The following CCNY variants were observed in gnomAD, a reference collection of about 807,000 sequenced individuals.
CCNY encodes cyclin Y, also known as cyclin-Y.
In CCNY, 19 loss-of-function variants were observed where a neutral mutation model predicts 42.8. That is an observed-to-expected ratio of 0.44 (90% CI 0.31 to 0.65). CCNY has a LOEUF of 0.65. CCNY is among the 30% of genes least tolerant of loss of function. The pLI is 0.07. For synonymous variants in CCNY, 165 were observed against 162.7 expected (o/e 1.01, Z -0.11); for missense variants, 370 against 437.3 (o/e 0.85, Z 1.37).
intron 2 of CCNY, among the ~76,000 whole-genome samples, chr10:35,487,399 C>T (rs923865426): frequency 6.6e-6 from 1 of 152,130 alleles, no homozygotes; most frequent in Non-Finnish European, 1.5e-5. Flanking sequence ...GCTTGGACCA[C>T]AGACATGCAG....
chr10:35,479,499 C>G (rs1213020544), intron 1 of CCNY, among the ~76,000 whole-genome samples: 1 of 135,536 alleles, frequency 7.4e-6, no homozygotes, highest in African/African-American at 2.8e-5. Flanking sequence ...AGTAAACTAT[C>G]GCAAGAACAA....
intron 3 of CCNY, among the ~76,000 whole-genome samples, chr10:35,319,710 C>A (rs1401125078): frequency 2.0e-5 from 3 of 152,010 alleles, no homozygotes; most frequent in Non-Finnish European, 2.9e-5. Flanking sequence ...CCCGTCTCTA[C>A]TAAAAATACA....
intron 1 of CCNY, among the ~76,000 whole-genome samples, chr10:35,352,018 G>A (rs537993729): frequency 3.3e-4 from 50 of 152,306 alleles, no homozygotes; most frequent in Admixed American, 3.3e-3. Flanking sequence ...GATCTACCTA[G>A]TTTTCAAGTA....
At chr10:35,522,639 A>T (rs1400606640) in intron 4 of CCNY, among the ~76,000 whole-genome samples, 3 of 152,144 alleles carry the variant, frequency 2.0e-5, no homozygotes, top group Non-Finnish European at 4.4e-5. Context: ...GAGGGTGAGG[A>T]TTGTGCATCC....
At chr10:35,559,940 C>G (rs1029691096) in intron 8 of CCNY, among the ~76,000 whole-genome samples, 1 of 152,164 alleles carries the variant, frequency 6.6e-6, no homozygotes, top group African/African-American at 2.4e-5. Flanking sequence ...TGGAGCTTGC[C>G]CTGCTAGATT....
intron 8 of CCNY, among the ~76,000 whole-genome samples, 154 bp from the exon 9 acceptor site, chr10:35,565,869 C>T (rs1162432684): frequency 1.3e-5 from 2 of 152,210 alleles, no homozygotes; most frequent in African/African-American, 4.8e-5. Context: ...GGCTTTTAAT[C>T]CCAATATGGT....
intron 1 of CCNY, among the ~76,000 whole-genome samples, chr10:35,338,908 G>A (rs549080596): frequency 1.3e-5 from 2 of 152,306 alleles, no homozygotes; most frequent in Admixed American, 1.3e-4. Context: ...CAGGTATTTG[G>A]CACTAAGGCT....
intron 2 of CCNY, 28 bp downstream of exon 2, chr10:35,483,506 G>T: frequency 7.0e-7 from 1 of 1,433,598 alleles, no homozygotes; most frequent in East Asian, 2.3e-5. Flanking sequence ...GTTTCTTTTT[G>T]TAAAAAAGGC....
intron 1 of CCNY, among the ~76,000 whole-genome samples, chr10:35,343,382 CTTTTTTTT>C (rs9299720): frequency 4.0e-4 from 34 of 85,900 alleles, no homozygotes; most frequent in African/African-American, 1.7e-3. Context: ...AGCTGATGGT[CTTTTTTTT>C]TTTTTTTTTT....
intron 3 of CCNY, among the ~76,000 whole-genome samples, chr10:35,252,735 G>A (rs2095712848): frequency 6.6e-6 from 1 of 152,102 alleles, no homozygotes; most frequent in Non-Finnish European, 1.5e-5. Context: ...AAATAAAGCG[G>A]CTTGATATTG....
At chr10:35,253,345 G>A (rs1053336893) in intron 3 of CCNY, among the ~76,000 whole-genome samples, 1 of 151,722 alleles carries the variant, frequency 6.6e-6, no homozygotes, top group African/African-American at 2.4e-5. Flanking sequence ...CAGCTCCTGG[G>A]CTCAAGCGAG....
At chr10:35,402,095 A>G (rs1413963041) in intron 1 of CCNY, among the ~76,000 whole-genome samples, 1 of 152,098 alleles carries the variant, frequency 6.6e-6, no homozygotes, top group Non-Finnish European at 1.5e-5. Flanking sequence ...TGGGGGTGGT[A>G]TGGAGAGATA....
chr10:35,289,194 T>C (rs1835385471), intron 3 of CCNY, among the ~76,000 whole-genome samples: 1 of 152,140 alleles, frequency 6.6e-6, no homozygotes, highest in Non-Finnish European at 1.5e-5. Flanking sequence ...ACTTTCTAAT[T>C]ATTTGCTGGT....
At chr10:35,360,717 TTTAATA>T (rs1331450503) in intron 1 of CCNY, among the ~76,000 whole-genome samples, 2 of 152,120 alleles carry the variant, frequency 1.3e-5, no homozygotes, top group Non-Finnish European at 2.9e-5. Flanking sequence ...ACATTAGTAT[TTTAATA>T]TTAATATGAA....
chr10:35,286,514 G>A (rs1370996902), intron 3 of CCNY, among the ~76,000 whole-genome samples: 5 of 151,666 alleles, frequency 3.3e-5, no homozygotes, highest in South Asian at 2.1e-4. Context: ...ACCCTCCACC[G>A]TGCCCAGCTA....
intron 3 of CCNY, among the ~76,000 whole-genome samples, chr10:35,283,723 T>G (rs113843376): frequency 0.054 from 8,183 of 152,148 alleles, 314 homozygotes; most frequent in African/African-American, 0.11. Flanking sequence ...GTTTTGATGG[T>G]AGGTAATGGA....
chr10:35,306,948 G>C (rs576262573), intron 3 of CCNY, among the ~76,000 whole-genome samples: 2 of 144,690 alleles, frequency 1.4e-5, no homozygotes, highest in Admixed American at 1.4e-4. Context: ...GCAAAGATAA[G>C]GGTTTCTATC....
intron 3 of CCNY, among the ~76,000 whole-genome samples, chr10:35,329,590 C>A (rs750824084): frequency 6.6e-6 from 1 of 152,036 alleles, no homozygotes; most frequent in African/African-American, 2.4e-5. Context: ...AGAATCTATG[C>A]GAGTTTATGA....
In CCNY at chr10:35,516,661, C is replaced by CTTTTTTTTTTTTTTTT. The variant is rs35268084; in HGVS notation, c.365+50_365+65dup. ...ATTTATTTCCTTCCTTCCTTCCTTC[C>CTTTTTTTTTTTTTTTT]TTTTTTTTTTTTTTTTTTTTTTTTT... is the stretch of plus-strand genomic sequence containing the variant. On this transcript the variant is annotated intron_variant, in intron 4 of 9. Transcript: ENST00000374704. The CTTTTTTTTTTTTTTTT allele has an allele frequency of 2.4e-5, 8 of 327,600 alleles. 1 individual carries two copies. In the African/African-American group the frequency reaches 2.5e-4, roughly 10 times the overall value. 20.3% of individuals were successfully genotyped at this position (327,600 alleles called of 1,614,324 possible). A position where few individuals can be genotyped will look rare whatever the true frequency, so the allele number is the denominator to read the frequency against.
Sources: gnomAD v4.1 joint callset for allele counts (sites outside exome capture counted in the v4.1 genomes callset) on GRCh38, gnomAD v4.1.1 for gene constraint, MANE v1.5 for transcripts, NCBI Gene and HGNC (gene_info 2026-07-23, HGNC 2026-07-21) for gene names.